ULK4: variants seen among roughly 807,000 people sequenced by gnomAD.
The protein encoded by ULK4 is unc-51 like kinase 4.
Under a neutral mutation model 160.6 loss-of-function variants are expected in ULK4, and 133 were observed. That is an observed-to-expected ratio of 0.83 (90% CI 0.72 to 0.96). ULK4 has a LOEUF of 0.96. Ranked by LOEUF, ULK4 falls within the 40% of genes least tolerant of loss-of-function variation. ULK4 has a pLI of 0.00. For synonymous variants in ULK4, 534 were observed against 539.8 expected, an observed-to-expected ratio of 0.99 and a Z score of 0.15; for missense variants, 1,580 against 1,499.5, an observed-to-expected ratio of 1.05 and a Z score of -0.89.
intron 9 of ULK4, among the ~76,000 whole-genome samples, chr3:41,912,518 A>G (rs1056834649): frequency 1.3e-5 from 2 of 152,208 alleles, no homozygotes; most frequent in Non-Finnish European, 2.9e-5. Flanking sequence ...AGGAGAAAAA[A>G]GATCCTACCA....
At chr3:41,690,638 A>C (rs1383839578) in intron 27 of ULK4, among the ~76,000 whole-genome samples, 5 of 151,584 alleles carry the variant, frequency 3.3e-5, no homozygotes, top group Admixed American at 3.3e-4. Flanking sequence ...TTATGCAGAC[A>C]AATTTTAGCT....
chr3:41,878,783 A>C (rs1367027212), intron 17 of ULK4, among the ~76,000 whole-genome samples: 1 of 151,936 alleles, frequency 6.6e-6, no homozygotes, highest in African/African-American at 2.4e-5. Flanking sequence ...ACAACATCTG[A>C]GTCTAGTGAT....
chr3:41,681,350 T>C (rs933694724), intron 29 of ULK4, among the ~76,000 whole-genome samples, 158 bp downstream of exon 29: 1 of 152,184 alleles, frequency 6.6e-6, no homozygotes, highest in East Asian at 1.9e-4. Context: ...GTCTAACAGT[T>C]ACCGCACCTG....
chr3:41,612,436 C>G (rs974975126), intron 31 of ULK4, among the ~76,000 whole-genome samples: 1 of 152,188 alleles, frequency 6.6e-6, no homozygotes, highest in African/African-American at 2.4e-5. Flanking sequence ...TATAATGCTC[C>G]TACCTGATCA....
At chr3:41,340,355 G>A (rs1248893379) in intron 35 of ULK4, among the ~76,000 whole-genome samples, 1 of 152,246 alleles carries the variant, frequency 6.6e-6, no homozygotes, top group Non-Finnish European at 1.5e-5. Context: ...AGGTGGGAAG[G>A]GGGAGGCAGG....
chr3:41,305,566 G>C (rs990333968), intron 35 of ULK4, among the ~76,000 whole-genome samples: 2 of 152,140 alleles, frequency 1.3e-5, no homozygotes, highest in African/African-American at 4.8e-5. Flanking sequence ...ATCTCGGCTC[G>C]CTACAACGTC....
chr3:41,555,450 T>C (rs1284996154), intron 32 of ULK4, among the ~76,000 whole-genome samples: 4 of 151,900 alleles, frequency 2.6e-5, no homozygotes, highest in Non-Finnish European at 4.4e-5. Flanking sequence ...ATCAGAGAAA[T>C]GCAAATCAAA....
intron 8 of ULK4, among the ~76,000 whole-genome samples, chr3:41,913,957 C>T (rs1297937785): frequency 1.3e-5 from 2 of 152,078 alleles, no homozygotes; most frequent in Admixed American, 6.5e-5. Context: ...AGTGAGACCC[C>T]GTCTCCGGGA....
rs77803157 is a variant in ULK4, at chr3:41,352,580, C to T, written c.3678+45499G>A. 2.5e-3 allele frequency among the ~76,000 whole-genome samples: 375 copies of T among 152,268 alleles called. 1 individual carries two copies. The highest frequency in any genetic ancestry group is 0.015 in the East Asian group (80 of 5,172). On this transcript the variant is annotated intron_variant, in intron 35 of 36. Transcript: ENST00000301831. ...CTCTTTCAGTTATGAGCTGCTTCTC[C>T]TCATGCTCTCAGTCCTGTCCCATGA...
At chr3:41,784,392 C>T (rs1380327682) in intron 21 of ULK4, among the ~76,000 whole-genome samples, 1 of 152,088 alleles carries the variant, frequency 6.6e-6, no homozygotes, top group Non-Finnish European at 1.5e-5. Flanking sequence ...CGAGATCACT[C>T]TATTGCACTC....
At chr3:41,264,946 G>A (rs568791407) in intron 35 of ULK4, among the ~76,000 whole-genome samples, 1 of 152,322 alleles carries the variant, frequency 6.6e-6, no homozygotes, top group African/African-American at 2.4e-5. Context: ...CAGTGTGGAA[G>A]GGAGACTTGT....
intron 27 of ULK4, among the ~76,000 whole-genome samples, chr3:41,697,980 G>A (rs1022699251): frequency 2.6e-5 from 4 of 151,864 alleles, no homozygotes; most frequent in Non-Finnish European, 5.9e-5. Flanking sequence ...ATCTTTATAC[G>A]GTATTTTCAC....
chr3:41,555,833 TCAAAA>T (rs1268721927), intron 32 of ULK4, among the ~76,000 whole-genome samples: 1 of 152,156 alleles, frequency 6.6e-6, no homozygotes, highest in African/African-American at 2.4e-5. Flanking sequence ...TATGCAGTCA[TCAAAA>T]CAAAACAAAA....
intron 35 of ULK4, among the ~76,000 whole-genome samples, chr3:41,353,724 TAC>T (rs2080968887): frequency 6.7e-6 from 1 of 149,386 alleles, no homozygotes; most frequent in Admixed American, 6.7e-5. Context: ...CTACTACTAC[TAC>T]TACTACTACT....
At chr3:41,935,975 C>A (rs1285865009) in intron 3 of ULK4, 35 bp from the exon 4 acceptor site, 5 of 1,566,294 alleles carry the variant, frequency 3.2e-6, no homozygotes, top group Non-Finnish European at 4.3e-6. Flanking sequence ...CCATTTCAAC[C>A]CCCTACCATC....
intron 35 of ULK4, among the ~76,000 whole-genome samples, chr3:41,279,829 A>G (rs1218533852): frequency 2.0e-5 from 3 of 152,238 alleles, no homozygotes; most frequent in Non-Finnish European, 2.9e-5. Flanking sequence ...AAATGCCCCA[A>G]TTAAAAGACA....
intron 22 of ULK4, among the ~76,000 whole-genome samples, chr3:41,739,620 T>C (rs2038174518): frequency 6.6e-6 from 1 of 151,902 alleles, no homozygotes; most frequent in African/African-American, 2.4e-5. Flanking sequence ...TCTGAGAAAG[T>C]ACATGGGTAG....
chr3:41,674,633 A>G (rs1439433373), intron 29 of ULK4, among the ~76,000 whole-genome samples: 1 of 152,226 alleles, frequency 6.6e-6, no homozygotes, highest in African/African-American at 2.4e-5. Context: ...TCAAGATTTG[A>G]ATCCAAACAA....
At chr3:41,825,144 C>T (rs1280373150) in intron 18 of ULK4, among the ~76,000 whole-genome samples, 1 of 152,104 alleles carries the variant, frequency 6.6e-6, no homozygotes. Flanking sequence ...AAGGGACATC[C>T]ACACCAAAAC....
Sources: allele counts gnomAD v4.1 joint callset (sites outside exome capture counted in the v4.1 genomes callset), GRCh38; gene constraint gnomAD v4.1.1; transcripts MANE v1.5; gene names NCBI Gene and HGNC (gene_info 2026-07-23, HGNC 2026-07-21).